OSR1: variants seen among roughly 807,000 people sequenced by gnomAD.
The protein encoded by OSR1 is protein odd-skipped-related 1.
In OSR1, 3 loss-of-function variants were observed where a neutral mutation model predicts 15.7. That is an observed-to-expected ratio of 0.19 (90% CI 0.09 to 0.50). The LOEUF (loss-of-function observed/expected upper bound fraction) is 0.50, where lower values mean the gene tolerates loss of function less well. Ranked by LOEUF, OSR1 falls within the 20% of genes least tolerant of loss-of-function variation. The pLI is 0.97. For missense variants in OSR1, 271 were observed against 351.1 expected (o/e 0.77, Z 1.82); for synonymous variants, 166 against 152.7 (o/e 1.09, Z -0.64).
downstream of OSR1, among the ~76,000 whole-genome samples, chr2:19,349,434 G>A (rs1427030819): frequency 6.6e-6 from 1 of 152,200 alleles, no homozygotes; most frequent in Non-Finnish European, 1.5e-5. Flanking sequence ...CCAGGGAGTT[G>A]CTGCGCATCA....
chr2:19,348,139 G>T (rs1664771311), downstream of OSR1, among the ~76,000 whole-genome samples: 2 of 152,132 alleles, frequency 1.3e-5, no homozygotes. Context: ...AGTACGCCGC[G>T]GCAACTGCTG....
Position 19,352,173 on chromosome 2 carries a change from C to T in OSR1, c.*102G>A. ...GGACAATGTTGGAGAGGTGGAAGGTCCCGAGCGAGCGCCTCTCCCGCTGCC... is the reference window on the plus strand; with the variant it reads ...GGACAATGTTGGAGAGGTGGAAGGTTCCGAGCGAGCGCCTCTCCCGCTGCC... On this transcript the variant is annotated 3_prime_UTR_variant, in exon 3 of 3. Transcript: ENST00000272223. The T allele has an allele frequency of 7.4e-7, 1 of 1,360,354 alleles. No individual in the cohort carries two copies. Among genetic ancestry groups the T allele is most frequent in the South Asian group, 1.4e-5 (1 of 72,946 alleles). 84.3% of individuals were successfully genotyped at this position (1,360,354 alleles called of 1,614,324 possible).
intron 1 of OSR1, chr2:19,356,880 A>T (rs1384819892): frequency 6.6e-6 from 1 of 152,260 alleles, no homozygotes; most frequent in Non-Finnish European, 1.5e-5. Context: ...AAAGTGGTTT[A>T]TTCGGGGCTA....
chr2:19,352,422 AACAG>A lies in OSR1; in HGVS notation c.666-16_666-13del, dbSNP rs755052432. 6.2e-7 allele frequency: 1 copy of A among 1,613,772 alleles called. No homozygotes were observed. Among genetic ancestry groups the A allele is most frequent in the African/African-American group, 1.3e-5 (1 of 74,928 alleles). Reference sequence around the variant, plus strand: ...TGGAGTGAATATATCTGAGGGCAGAAACAGAGAGTTCATCCTTGCAAAATGATGC... The same window carrying A: ...TGGAGTGAATATATCTGAGGGCAGAAAGAGTTCATCCTTGCAAAATGATGC... On this transcript the variant is annotated splice_polypyrimidine_tract_variant and intron_variant, in intron 2 of 2. Coordinates refer to ENST00000272223, the MANE Select transcript of OSR1 (RefSeq NM_145260.3).
At chr2:19,358,037 C>T (rs1396111128) in intron 1 of OSR1, 1 of 152,278 alleles carries the variant, frequency 6.6e-6, no homozygotes, top group Non-Finnish European at 1.5e-5. Flanking sequence ...CACAGATTGA[C>T]TTTCAAAGTC....
rs767273128 is a variant in OSR1 at position 19,357,688 on chromosome 2, A to G, written c.-33+653T>C. ...TGCATTGCCTCCCTGCACCAGGACA[A>G]TCAAGGGTTCCGCTCCAGGCCTTGA... On this transcript the variant is annotated intron_variant, in intron 1 of 2. Coordinates refer to ENST00000272223, the MANE Select transcript of OSR1 (RefSeq NM_145260.3). The surrounding 1 kb of genome is among the most constrained non-coding windows in gnomAD (Gnocchi z 5.0). 1 of 152,322 alleles carries G rather than the reference A, an allele frequency of 6.6e-6. No individual in the cohort carries two copies. Among genetic ancestry groups the G allele is most frequent in the Non-Finnish European group, 1.5e-5 (1 of 68,128 alleles). The allele number at this position is 152,322 out of a possible 1,614,324, so 9.4% of individuals were successfully genotyped here.
downstream of OSR1, among the ~76,000 whole-genome samples, chr2:19,348,028 T>G (rs1461870297): frequency 6.6e-6 from 1 of 152,240 alleles, no homozygotes; most frequent in African/African-American, 2.4e-5. Flanking sequence ...AGCACTGGCC[T>G]GCGAGTTCCT....
At chr2:19,350,493 G>C (rs369389016), downstream of OSR1, among the ~76,000 whole-genome samples, 3 of 152,182 alleles carry the variant, frequency 2.0e-5, no homozygotes, top group Non-Finnish European at 4.4e-5. Context: ...GCAGGGCCCG[G>C]CTTGAGGCTG....
chr2:19,353,834 G>C lies in OSR1; in HGVS notation c.-29C>G, dbSNP rs368681707. 2 of 1,586,288 alleles carry C rather than the reference G, an allele frequency of 1.3e-6. No homozygotes were observed. The highest frequency in any genetic ancestry group is 1.7e-6 in the Non-Finnish European group (2 of 1,164,242). ...GGTAGTTGCAGTGGCTTCTCAATCCGGATCTGCAAAGAAAAGAAGAAGGCA... is the reference window on the plus strand; with the variant it reads ...GGTAGTTGCAGTGGCTTCTCAATCCCGATCTGCAAAGAAAAGAAGAAGGCA... On this transcript the variant is annotated 5_prime_UTR_variant, in exon 2 of 3. Transcript: ENST00000272223.
chr2:19,352,046 T>C lies in OSR1; in HGVS notation c.*229A>G, dbSNP rs894494538. 8 of 406,376 alleles carry C rather than the reference T, an allele frequency of 2.0e-5. No individual in the cohort carries two copies. The highest frequency in any genetic ancestry group is 1.6e-4 in the African/African-American group (8 of 49,464). 25.2% of individuals were successfully genotyped at this position (406,376 alleles called of 1,614,324 possible). A position where few individuals can be genotyped will look rare whatever the true frequency, so the allele number is the denominator to read the frequency against. ...TCCCTTCCGCCACGTGAGTACCGCC[T>C]TTTGGCCAAGAGTTTAGCCGCGTCC... On this transcript the variant is annotated 3_prime_UTR_variant, in exon 3 of 3. Coordinates refer to ENST00000272223, the MANE Select transcript of OSR1 (RefSeq NM_145260.3).
chr2:19,347,290 C>T (rs1664749090), downstream of OSR1, among the ~76,000 whole-genome samples: 1 of 152,148 alleles, frequency 6.6e-6, no homozygotes, highest in Admixed American at 6.5e-5. Context: ...GTTTTTGGTT[C>T]AAGCAGTGAA....
chr2:19,352,148 G>A lies in OSR1; in HGVS notation c.*127C>T. The A allele has an allele frequency of 9.1e-7, 1 of 1,104,542 alleles. No individual in the cohort carries two copies. The highest frequency in any genetic ancestry group is 1.3e-6 in the Non-Finnish European group (1 of 794,110). The allele number at this position is 1,104,542 out of a possible 1,614,324, so 68.4% of individuals were successfully genotyped here. A position where few individuals can be genotyped will look rare whatever the true frequency, so the allele number is the denominator to read the frequency against. On this transcript the variant is annotated 3_prime_UTR_variant, in exon 3 of 3. Coordinates refer to ENST00000272223, the MANE Select transcript of OSR1 (RefSeq NM_145260.3). ...GTGCCGCGTGCGCCAGGGACCCAGG[G>A]GACAATGTTGGAGAGGTGGAAGGTC...
At position 19,357,732 on chromosome 2, in the gene OSR1, C is replaced by T. The variant is rs1664979569; in HGVS notation, c.-33+609G>A. The T allele has an allele frequency of 2.0e-5, 3 of 152,278 alleles. No individual in the cohort carries two copies. In the South Asian group the frequency reaches 6.2e-4, roughly 32 times the overall value. The allele number at this position is 152,278 out of a possible 1,614,324, so 9.4% of individuals were successfully genotyped here. On this transcript the variant is annotated intron_variant, in intron 1 of 2. Transcript: ENST00000272223. The surrounding 1 kb of genome is among the most constrained non-coding windows in gnomAD (Gnocchi z 5.0). ...GCCTTGACGACACAGAGCAATCATCCTATGGAGAATATCCCTAAGTTAGAG... is the reference window on the plus strand; with the variant it reads ...GCCTTGACGACACAGAGCAATCATCTTATGGAGAATATCCCTAAGTTAGAG...
chr2:19,345,204 T>C, the OSR1 span, among the ~76,000 whole-genome samples: 7 of 152,296 alleles, frequency 4.6e-5, no homozygotes, highest in African/African-American at 1.4e-4. Flanking sequence ...TGGATATTAG[T>C]CCTTTGTCAG....
intron 2 of OSR1, 66 bp downstream of exon 2, chr2:19,353,075 G>T (rs911918365): frequency 1.3e-6 from 2 of 1,566,196 alleles, no homozygotes; most frequent in East Asian, 2.3e-5. Context: ...CAAGAACCTC[G>T]TTAGGGAGAA....
In OSR1 at chr2:19,351,538, A is replaced by C. The variant is rs1239589348; in HGVS notation, c.*737T>G. 1 of 151,906 alleles carries C rather than the reference A, an allele frequency of 6.6e-6. No homozygotes were observed. Among genetic ancestry groups the C allele is most frequent in the Non-Finnish European group, 1.5e-5 (1 of 67,954 alleles). The allele number at this position is 151,906 out of a possible 1,614,324, so 9.4% of individuals were successfully genotyped here. A position where few individuals can be genotyped will look rare whatever the true frequency, so the allele number is the denominator to read the frequency against. On this transcript the variant is annotated 3_prime_UTR_variant, in exon 3 of 3. Transcript: ENST00000272223. ...GTTAAAAAAAAAAAAAACTCCAGTG[A>C]TAAATGTCCGTTACCGATGGTCAGC...
intron 1 of OSR1, chr2:19,354,092 C>A (rs916422457): frequency 2.3e-6 from 1 of 430,102 alleles, no homozygotes; most frequent in Non-Finnish European, 4.2e-6. Flanking sequence ...AGCCACACAA[C>A]TTGATAGAGG....
At chr2:19,351,312 G>A (rs1245510458), downstream of OSR1, among the ~76,000 whole-genome samples, 1 of 152,062 alleles carries the variant, frequency 6.6e-6, no homozygotes, top group African/African-American at 2.4e-5. Flanking sequence ...GTGGGGCGGA[G>A]GCAGACCTAA....
downstream of OSR1, among the ~76,000 whole-genome samples, chr2:19,347,148 T>A (rs971648203): frequency 6.6e-6 from 1 of 152,194 alleles, no homozygotes; most frequent in Admixed American, 6.5e-5. Context: ...ATGGGGGTGG[T>A]ATCTCCTGGG....
Sources: allele counts gnomAD v4.1 joint callset (sites outside exome capture counted in the v4.1 genomes callset), GRCh38; gene constraint gnomAD v4.1.1; non-coding constraint Gnocchi (gnomAD v3.1); transcripts MANE v1.5; gene names NCBI Gene and HGNC (gene_info 2026-07-23, HGNC 2026-07-21).